Variants in DRICH1 observed in about 807,000 individuals in gnomAD.
The protein encoded by DRICH1 is aspartate-rich protein 1.
DRICH1 carries 38 observed loss-of-function variants against 39.5 expected under a neutral mutation model. The ratio of observed to expected loss-of-function variants is 0.96; its 90% CI spans 0.74 to 1.26. The LOEUF (loss-of-function observed/expected upper bound fraction) is 1.26, where lower values mean the gene tolerates loss of function less well. Among genes scored for constraint, DRICH1 ranks in the 50% most tolerant of loss-of-function variants. The pLI, the probability that DRICH1 is intolerant of heterozygous loss-of-function variation, is 0.00. For synonymous variants in DRICH1, 84 were observed against 99.5 expected, an observed-to-expected ratio of 0.84 and a Z score of 0.93; for missense variants, 279 against 270.4, an observed-to-expected ratio of 1.03 and a Z score of -0.22.
rs1381084013 is a variant in DRICH1 at position 23,608,718 on chromosome 22, G to A, written c.*46C>T. On this transcript the variant is annotated 3_prime_UTR_variant, in exon 12 of 12. Coordinates refer to ENST00000317749, the MANE Select transcript of DRICH1 (RefSeq NM_016449.4). ...AGCTGGGGACCCTGCAGCACGCGCT[G>A]GCCTGCCCTTTGGGTCAGCACCCTG... 18 of 1,550,462 alleles carry A rather than the reference G, an allele frequency of 1.2e-5. No homozygotes were observed. The highest frequency in any genetic ancestry group is 1.6e-5 in the Non-Finnish European group (18 of 1,145,348).
the DRICH1 span, among the ~76,000 whole-genome samples, chr22:23,601,915 G>A: frequency 1.3e-5 from 2 of 152,116 alleles, no homozygotes; most frequent in Non-Finnish European, 2.9e-5. Context: ...TAAAAGGAAC[G>A]TAAGGGCTGA....
Position 23,617,665 on chromosome 22 carries a change from C to G in DRICH1, c.437-8G>C, listed in dbSNP as rs775240189. 2.5e-5 allele frequency: 41 copies of G among 1,609,968 alleles called. No individual in the cohort carries two copies. Among genetic ancestry groups the G allele is most frequent in the South Asian group, 7.7e-5 (7 of 91,014 alleles). On this transcript the variant is annotated splice_polypyrimidine_tract_variant and splice_region_variant and intron_variant, in intron 6 of 11. Transcript: ENST00000317749. ...GGTTGTCCTCAGAAGAACCTGGAAG[C>G]ACACAGAGGAAAGATCCGTGCCCTG...
the DRICH1 span, among the ~76,000 whole-genome samples, chr22:23,589,244 A>G: frequency 1.3e-5 from 2 of 152,156 alleles, no homozygotes; most frequent in Admixed American, 1.3e-4. Context: ...TGAGCCCAGG[A>G]GTTCAAGACC....
chr22:23,581,399 C>G, the DRICH1 span: 2 of 152,280 alleles, frequency 1.3e-5, no homozygotes, highest in African/African-American at 4.8e-5. Context: ...CAGGGCCAGG[C>G]TCTTTTGCTG....
At chr22:23,603,646 G>A (rs1926584734), downstream of DRICH1, among the ~76,000 whole-genome samples, 1 of 152,104 alleles carries the variant, frequency 6.6e-6, no homozygotes, top group Non-Finnish European at 1.5e-5. Flanking sequence ...CCTTTGAGGG[G>A]CGCCCAGCAC....
chr22:23,598,646 G>A, the DRICH1 span, among the ~76,000 whole-genome samples: 180 of 152,332 alleles, frequency 1.2e-3, no homozygotes, highest in African/African-American at 4.2e-3. Context: ...TCAGGGGAGG[G>A]GTGGCCATCG....
the DRICH1 span, among the ~76,000 whole-genome samples, chr22:23,601,364 T>C: frequency 6.6e-6 from 1 of 152,178 alleles, no homozygotes; most frequent in African/African-American, 2.4e-5. Context: ...CTTAGACTCC[T>C]AGTCAGCATT....
Position 23,626,002 on chromosome 22 carries a change from C to T in DRICH1, c.255G>A (p.Glu85=). ...RLSLKFLPSS[E]EDNDDAKILP... ...TTACCTTGGCATCATCATTGTCTTC[C>T]TCACTTGATGGCAGAAATTTTAAAC... The change falls in exon 2 of 12, where the codon GAG becomes GAA. Residue 85 remains glutamate, a synonymous_variant. Coordinates refer to ENST00000317749, the MANE Select transcript of DRICH1 (RefSeq NM_016449.4). 6.2e-7 allele frequency: 1 copy of T among 1,612,692 alleles called. No homozygotes were observed. The highest frequency in any genetic ancestry group is 1.3e-5 in the African/African-American group (1 of 75,036).
At chr22:23,591,601 G>A in the DRICH1 span, among the ~76,000 whole-genome samples, 13 of 152,124 alleles carry the variant, frequency 8.5e-5, no homozygotes, top group Non-Finnish European at 1.8e-4. Context: ...ACGAAACAGG[G>A]AAGAAACCCA....
At chr22:23,624,059 G>A in intron 3 of DRICH1, 1 of 985,322 alleles carries the variant, frequency 1.0e-6, no homozygotes, top group Non-Finnish European at 1.2e-6. Context: ...TGAGCCCAGA[G>A]TGAATTTTCA....
intron 8 of DRICH1, among the ~76,000 whole-genome samples, chr22:23,615,034 A>G (rs1927271413): frequency 6.6e-6 from 1 of 152,218 alleles, no homozygotes. Context: ...CATGAAAAAA[A>G]GTCCATGAGT....
intron 1 of DRICH1, among the ~76,000 whole-genome samples, chr22:23,626,702 C>T (rs1928084887): frequency 6.6e-6 from 1 of 152,162 alleles, no homozygotes; most frequent in South Asian, 2.1e-4. Flanking sequence ...TGAGGCCACA[C>T]TGGGTTGCAC....
chr22:23,608,225 T>G, downstream of DRICH1: 1 of 154,804 alleles, frequency 6.5e-6, no homozygotes, highest in Non-Finnish European at 1.4e-5. Context: ...GGGCAGGGTG[T>G]GCCTGAAGGC....
At chr22:23,616,684 T>C (rs767662627) in intron 8 of DRICH1, among the ~76,000 whole-genome samples, 169 bp downstream of exon 8, 2 of 152,194 alleles carry the variant, frequency 1.3e-5, no homozygotes, top group African/African-American at 4.8e-5. Flanking sequence ...GTTGGTCCTC[T>C]GGGTTCACAC....
At chr22:23,591,368 T>C in the DRICH1 span, among the ~76,000 whole-genome samples, 1 of 152,202 alleles carries the variant, frequency 6.6e-6, no homozygotes, top group African/African-American at 2.4e-5. Flanking sequence ...AGGAGGGCAC[T>C]CTTCCAGGCC....
At chr22:23,625,473 C>T (rs539902844) in intron 2 of DRICH1, among the ~76,000 whole-genome samples, 2 of 152,040 alleles carry the variant, frequency 1.3e-5, no homozygotes, top group African/African-American at 4.8e-5. Context: ...GCTTGTTGGG[C>T]TCCCTTTCCT....
the DRICH1 span, among the ~76,000 whole-genome samples, chr22:23,601,143 C>T: frequency 0.02 from 2,810 of 143,018 alleles, 96 homozygotes; most frequent in African/African-American, 0.071. Context: ...CTAACGCACG[C>T]GCGCACACAC....
Position 23,614,134 on chromosome 22 carries a change from C to G in DRICH1, c.621+1G>C. The G allele has an allele frequency of 2.5e-6, 4 of 1,606,522 alleles. No homozygotes were observed. Among genetic ancestry groups the G allele is most frequent in the East Asian group, 2.2e-5 (1 of 44,848 alleles). On this transcript the variant is annotated splice_donor_variant, in intron 9 of 11. Coordinates refer to ENST00000317749, the MANE Select transcript of DRICH1 (RefSeq NM_016449.4). LOFTEE classifies it high-confidence loss of function. ...AGAAGACAAAAAAAGGGAGGTCTTA[C>G]GTGGATGTCATCATCATCTTCTTCT... is the stretch of plus-strand genomic sequence containing the variant.
At chr22:23,601,999 A>G in the DRICH1 span, among the ~76,000 whole-genome samples, 5 of 114,050 alleles carry the variant, frequency 4.4e-5, no homozygotes, top group African/African-American at 1.7e-4. Context: ...TAATCCCAGC[A>G]CTGTGGGAGG....
Sources: allele counts gnomAD v4.1 joint callset (sites outside exome capture counted in the v4.1 genomes callset), GRCh38; gene constraint gnomAD v4.1.1; transcripts MANE v1.5; gene names NCBI Gene and HGNC (gene_info 2026-07-23, HGNC 2026-07-21).